Variants in ADGRL2 observed in about 807,000 individuals in gnomAD.
ADGRL2 encodes adhesion G protein-coupled receptor L2.
Under a neutral mutation model 157.4 loss-of-function variants are expected in ADGRL2, and 44 were observed. That is an observed-to-expected ratio of 0.28 (90% CI 0.22 to 0.36). The LOEUF (loss-of-function observed/expected upper bound fraction) is 0.36, where lower values mean the gene tolerates loss of function less well. Ranked by LOEUF, ADGRL2 falls within the 10% of genes least tolerant of loss-of-function variation. The pLI is 1.00. For missense variants in ADGRL2, 1,510 were observed against 1,768.9 expected (o/e 0.85, Z 2.63); for synonymous variants, 585 against 624.7 (o/e 0.94, Z 0.95).
At chr1:81,777,761 C>CA (rs1557643001) in intron 2 of ADGRL2, among the ~76,000 whole-genome samples, 3 of 152,122 alleles carry the variant, frequency 2.0e-5, no homozygotes, top group African/African-American at 7.2e-5. Flanking sequence ...GACTCTGTTT[C>CA]AACAAAATTT....
chr1:81,514,512 T>C (rs940005490), intron 2 of ADGRL2: 1 of 152,168 alleles, frequency 6.6e-6, no homozygotes, highest in African/African-American at 2.4e-5. Context: ...TAAATCAAAA[T>C]GTTTTTTCAA....
intron 1 of ADGRL2, among the ~76,000 whole-genome samples, chr1:81,801,986 G>A (rs535477924): frequency 6.7e-6 from 1 of 150,128 alleles, no homozygotes; most frequent in Admixed American, 6.6e-5. Flanking sequence ...TTAACCCCAG[G>A]AGCCGCCCGG....
intron 1 of ADGRL2, among the ~76,000 whole-genome samples, chr1:81,330,629 A>G (rs1261285470): frequency 2.0e-5 from 3 of 152,154 alleles, no homozygotes; most frequent in African/African-American, 7.2e-5. Context: ...GATCTTTCCT[A>G]TTATACCATG....
chr1:81,902,139 A>G (rs2094499077), intron 2 of ADGRL2, among the ~76,000 whole-genome samples: 1 of 152,188 alleles, frequency 6.6e-6, no homozygotes, highest in African/African-American at 2.4e-5. Context: ...CCGATTGGCA[A>G]CTGGTTGAAG....
At chr1:81,790,958 G>C (rs867453857) in intron 2 of ADGRL2, among the ~76,000 whole-genome samples, 13 of 150,922 alleles carry the variant, frequency 8.6e-5, no homozygotes, top group African/African-American at 2.9e-4. Flanking sequence ...CAGCTTCTTT[G>C]TGGAGGATGG....
chr1:81,971,590 G>C (rs952037981), intron 16 of ADGRL2, among the ~76,000 whole-genome samples: 18 of 152,014 alleles, frequency 1.2e-4, no homozygotes, highest in African/African-American at 4.3e-4. Context: ...GTGGTGGAGT[G>C]GTGTTTATTG....
At chr1:81,350,023 G>T (rs537736344) in intron 1 of ADGRL2, among the ~76,000 whole-genome samples, 6 of 151,870 alleles carry the variant, frequency 4.0e-5, no homozygotes, top group African/African-American at 1.4e-4. Context: ...AATAATTACC[G>T]CAAATGTCAT....
chr1:81,644,022 A>T (rs1416007261), intron 3 of ADGRL2, among the ~76,000 whole-genome samples: 1 of 152,218 alleles, frequency 6.6e-6, no homozygotes, highest in African/African-American at 2.4e-5. Flanking sequence ...TATTTGTGGA[A>T]GAAGAGACAA....
intron 1 of ADGRL2, among the ~76,000 whole-genome samples, chr1:81,701,097 G>C (rs1557577566): frequency 6.6e-6 from 1 of 152,206 alleles, no homozygotes; most frequent in Non-Finnish European, 1.5e-5. Context: ...TTATACTGTA[G>C]TTAGCAAACA....
At chr1:81,951,252 G>T (rs1330566109) in intron 8 of ADGRL2, 131 bp downstream of exon 8, 2 of 579,778 alleles carry the variant, frequency 3.4e-6, no homozygotes, top group Middle Eastern at 2.9e-4. Context: ...AAAAAATTAC[G>T]CATAGTTTTG....
rs112936400 is a variant in ADGRL2, at chr1:81,622,625, C to A, written c.-143+41645C>A. On this transcript the variant is annotated intron_variant, in intron 3 of 24. Transcript: ENST00000370721. The stretch of plus-strand genomic sequence containing the variant: ...TTTTGGGGGACCAGGCACAGTGGCT[C>A]ATGCCTGTAATCCTAGCACTTTGGG... Among the ~76,000 whole-genome samples, 360 of 152,220 alleles carry A rather than the reference C, an allele frequency of 2.4e-3. 2 individuals carry two copies. Among genetic ancestry groups the A allele is most frequent in the African/African-American group, 8.4e-3 (347 of 41,550 alleles).
intron 2 of ADGRL2, among the ~76,000 whole-genome samples, chr1:81,859,223 AT>A (rs2093310096): frequency 6.6e-6 from 1 of 152,098 alleles, no homozygotes; most frequent in Non-Finnish European, 1.5e-5. Flanking sequence ...TTCTAACATG[AT>A]TTTGTATACA....
chr1:81,433,434 T>C (rs950687269), intron 1 of ADGRL2, among the ~76,000 whole-genome samples: 9 of 152,142 alleles, frequency 5.9e-5, no homozygotes, highest in Non-Finnish European at 1.3e-4. Flanking sequence ...AAGAGAAGTG[T>C]GCCCTGAGTT....
intron 2 of ADGRL2, among the ~76,000 whole-genome samples, chr1:81,880,228 A>G (rs978956682): frequency 6.6e-6 from 1 of 152,114 alleles, no homozygotes; most frequent in Non-Finnish European, 1.5e-5. Context: ...CTAGCATATT[A>G]TTTGCCTCAG....
chr1:81,327,257 GA>G (rs1660967618), intron 1 of ADGRL2, among the ~76,000 whole-genome samples: 1 of 152,162 alleles, frequency 6.6e-6, no homozygotes, highest in Non-Finnish European at 1.5e-5. Flanking sequence ...GGGACGGGAG[GA>G]AGGACATGTG....
intron 2 of ADGRL2, among the ~76,000 whole-genome samples, chr1:81,472,503 C>CCACCTGTAATCCCA (rs1181528664): frequency 1.3e-5 from 2 of 152,046 alleles, no homozygotes; most frequent in African/African-American, 4.8e-5. Context: ...TGGTGGCACA[C>CCACCTGTAATCCCA]GCCTGTAATC....
chr1:81,484,519 T>G (rs987862698), intron 2 of ADGRL2, among the ~76,000 whole-genome samples: 1 of 152,182 alleles, frequency 6.6e-6, no homozygotes, highest in Non-Finnish European at 1.5e-5. Flanking sequence ...GGATTTCTCT[T>G]TACTGCTGAG....
intron 1 of ADGRL2, among the ~76,000 whole-genome samples, chr1:81,326,426 G>C (rs1360870370): frequency 6.6e-6 from 1 of 152,150 alleles, no homozygotes; most frequent in Non-Finnish European, 1.5e-5. Context: ...TCAGTAATAA[G>C]TGCTCTGTCT....
At chr1:81,469,414 A>G (rs1041166330) in intron 2 of ADGRL2, among the ~76,000 whole-genome samples, 2 of 152,130 alleles carry the variant, frequency 1.3e-5, no homozygotes, top group African/African-American at 4.8e-5. Context: ...GCTTCTGTTA[A>G]AGTCGCTTAC....
Sources: gnomAD v4.1 joint callset for allele counts (sites outside exome capture counted in the v4.1 genomes callset) on GRCh38, gnomAD v4.1.1 for gene constraint, MANE v1.5 for transcripts, NCBI Gene and HGNC (gene_info 2026-07-23, HGNC 2026-07-21) for gene names.